LEMD3: variants seen among roughly 807,000 people sequenced by gnomAD.
The protein encoded by LEMD3 is LEM domain containing 3, also known as inner nuclear membrane protein Man1.
In LEMD3, 33 loss-of-function variants were observed where a neutral mutation model predicts 95.2. That is an observed-to-expected ratio of 0.35 (90% confidence interval 0.26 to 0.46). LEMD3 has a LOEUF of 0.46. LEMD3 is among the 20% of genes least tolerant of loss of function. LEMD3 has a pLI of 1.00. For synonymous variants in LEMD3, 525 were observed against 474.6 expected, an observed-to-expected ratio of 1.11 and a Z score of -1.38; for missense variants, 1,210 against 1,192.8, an observed-to-expected ratio of 1.01 and a Z score of -0.21.
Position 65,216,063 on chromosome 12 carries a change from T to C in LEMD3, c.1627+20T>C. ...TTGCAGGTAATTGTTTTAACTTTTA[T>C]AGTTGCTAAAAATGTTTTGAAAAAT... On this transcript the variant is annotated intron_variant, in intron 3 of 12. Coordinates refer to ENST00000308330, the MANE Select transcript of LEMD3 (RefSeq NM_014319.5). The C allele has an allele frequency of 6.7e-7, 1 of 1,501,286 alleles. No homozygotes were observed. Among genetic ancestry groups the C allele is most frequent in the Non-Finnish European group, 9.3e-7 (1 of 1,079,282 alleles). 93.0% of individuals were successfully genotyped at this position (1,501,286 alleles called of 1,614,324 possible).
chr12:65,205,391 T>C (rs1240663993), intron 1 of LEMD3, among the ~76,000 whole-genome samples: 1 of 152,154 alleles, frequency 6.6e-6, no homozygotes, highest in Non-Finnish European at 1.5e-5. Context: ...ACCATAATTT[T>C]TTTTTATCAT....
chr12:65,217,549 A>G (rs1446348264), intron 3 of LEMD3, among the ~76,000 whole-genome samples: 1 of 152,232 alleles, frequency 6.6e-6, no homozygotes, highest in Non-Finnish European at 1.5e-5. Flanking sequence ...TACTTTAATT[A>G]TTCTACTTTC....
chr12:65,244,283 A>ACC lies in LEMD3; in HGVS notation c.2387+815_2387+816insCC, dbSNP rs34697632. ...TGGGCACGCGCACACACACACACACACACCCCCCCCACACACACAGAGACA... is the reference window on the plus strand; with the variant it reads ...TGGGCACGCGCACACACACACACACACCCACCCCCCCCACACACACAGAGACA... On this transcript the variant is annotated intron_variant, in intron 10 of 12. Coordinates refer to ENST00000308330, the MANE Select transcript of LEMD3 (RefSeq NM_014319.5). Among the ~76,000 whole-genome samples the ACC allele has an allele frequency of 7.4e-3, 928 of 125,704 alleles. 28 individuals carry two copies. Among genetic ancestry groups the ACC allele is most frequent in the Admixed American group, 0.04 (501 of 12,562 alleles). The allele number at this position is 125,704 out of a possible 152,430, so 82.5% of individuals were successfully genotyped here. A position where few individuals can be genotyped will look rare whatever the true frequency, so the allele number is the denominator to read the frequency against.
At chr12:65,193,732 C>CTGTGTGTG (rs746675293) in intron 1 of LEMD3, among the ~76,000 whole-genome samples, 16,000 of 129,212 alleles carry the variant, frequency 0.12, 1,164 homozygotes, top group Admixed American at 0.17. Context: ...ACATAACTGG[C>CTGTGTGTG]TGTGTGTGTG....
At chr12:65,230,973 T>A (rs975199369) in intron 4 of LEMD3, among the ~76,000 whole-genome samples, 1 of 152,212 alleles carries the variant, frequency 6.6e-6, no homozygotes, top group South Asian at 2.1e-4. Flanking sequence ...TATTAAATGC[T>A]TTTTCTGCAG....
At chr12:65,187,151 G>C (rs1454225790) in intron 1 of LEMD3, among the ~76,000 whole-genome samples, 1 of 152,054 alleles carries the variant, frequency 6.6e-6, no homozygotes, top group Non-Finnish European at 1.5e-5. Context: ...GGATTTAAAA[G>C]GGTTTTAGAA....
intron 1 of LEMD3, among the ~76,000 whole-genome samples, chr12:65,183,134 AC>A (rs1327919490): frequency 1.3e-5 from 2 of 152,208 alleles, no homozygotes; most frequent in African/African-American, 4.8e-5. Flanking sequence ...TATAAGCCAC[AC>A]AGTAGCCACG....
At chr12:65,240,778 A>G (rs1354860117) in intron 8 of LEMD3, 131 bp from the exon 9 acceptor site, 1 of 791,660 alleles carries the variant, frequency 1.3e-6, no homozygotes, top group South Asian at 1.6e-5. Context: ...ATAGGCATCT[A>G]AATCTTCTTT....
At chr12:65,188,070 A>G (rs911944619) in intron 1 of LEMD3, among the ~76,000 whole-genome samples, 1 of 152,104 alleles carries the variant, frequency 6.6e-6, no homozygotes, top group African/African-American at 2.4e-5. Context: ...TTTATGAATC[A>G]AGTTTTTTGA....
intron 4 of LEMD3, among the ~76,000 whole-genome samples, chr12:65,225,996 C>G (rs1271347066): frequency 6.6e-6 from 1 of 152,200 alleles, no homozygotes; most frequent in Non-Finnish European, 1.5e-5. Flanking sequence ...CCTGTGAAGT[C>G]AGAACTTTGG....
chr12:65,227,283 C>G (rs529169652), intron 4 of LEMD3, among the ~76,000 whole-genome samples: 1 of 152,232 alleles, frequency 6.6e-6, no homozygotes, highest in Non-Finnish European at 1.5e-5. Context: ...TTCAGTGTTT[C>G]TTTCCTGTTT....
chr12:65,207,173 CAT>C (rs958617120), intron 1 of LEMD3, among the ~76,000 whole-genome samples: 16 of 152,090 alleles, frequency 1.1e-4, no homozygotes, highest in Non-Finnish European at 1.5e-5. Context: ...ACTCAGTAAA[CAT>C]AATTTCCTTT....
At position 65,188,843 on chromosome 12, in the gene LEMD3, A is replaced by G. The variant is rs1003369159; in HGVS notation, c.1522+17725A>G. Among the ~76,000 whole-genome samples the G allele has an allele frequency of 2.6e-5, 4 of 152,140 alleles. No homozygotes were observed. The East Asian group carries it at 7.7e-4, about 29-fold the overall frequency. On this transcript the variant is annotated intron_variant, in intron 1 of 12. Coordinates refer to ENST00000308330, the MANE Select transcript of LEMD3 (RefSeq NM_014319.5). ...TCTAATTGCAGTGAGACCATTTGGC[A>G]TATTGCTGATGGCTGCAAACATTCA...
At chr12:65,197,163 T>C (rs1216809271) in intron 1 of LEMD3, among the ~76,000 whole-genome samples, 2 of 152,136 alleles carry the variant, frequency 1.3e-5, no homozygotes, top group African/African-American at 4.8e-5. Context: ...TTGCTTAACG[T>C]AGGAGCTCCA....
intron 1 of LEMD3, among the ~76,000 whole-genome samples, chr12:65,207,391 T>C (rs1869796854): frequency 6.6e-6 from 1 of 151,966 alleles, no homozygotes; most frequent in Non-Finnish European, 1.5e-5. Flanking sequence ...ACACCAAATA[T>C]TGAAATCATG....
intron 1 of LEMD3, among the ~76,000 whole-genome samples, chr12:65,175,995 G>A (rs1868706874): frequency 6.6e-6 from 1 of 151,978 alleles, no homozygotes; most frequent in Non-Finnish European, 1.5e-5. Flanking sequence ...TGGATACCAA[G>A]TCCTGTAGTT....
At chr12:65,232,209 G>A (rs1592459003) in intron 4 of LEMD3, among the ~76,000 whole-genome samples, 2 of 152,198 alleles carry the variant, frequency 1.3e-5, no homozygotes, top group South Asian at 2.1e-4. Flanking sequence ...TAAATATGGA[G>A]GAAACTCACT....
rs138310805 is a variant in LEMD3, at chr12:65,241,091, T to C, written c.2305+4T>C. 2,721 of 1,612,578 alleles carry C rather than the reference T, an allele frequency of 1.7e-3. 37 individuals are homozygous for C. The African/African-American group carries it at 0.032, about 19-fold the overall frequency. ...TCTAAAGTATGGCAAGGTCAAGGTATGTATTTTTAAACATCAAAAAAGTAA... is the reference window on the plus strand; with the variant it reads ...TCTAAAGTATGGCAAGGTCAAGGTACGTATTTTTAAACATCAAAAAAGTAA... On this transcript the variant is annotated splice_donor_region_variant and intron_variant, in intron 9 of 12. Transcript: ENST00000308330.
chr12:65,208,470 T>G (rs1032608563), intron 1 of LEMD3, among the ~76,000 whole-genome samples: 1 of 152,124 alleles, frequency 6.6e-6, no homozygotes, highest in Non-Finnish European at 1.5e-5. Flanking sequence ...ACAAGGTTTC[T>G]TCTCTTCGGT....
Sources: gnomAD v4.1 joint callset for allele counts (sites outside exome capture counted in the v4.1 genomes callset) on GRCh38, gnomAD v4.1.1 for gene constraint, MANE v1.5 for transcripts, NCBI Gene and HGNC (gene_info 2026-07-23, HGNC 2026-07-21) for gene names.